TBC1D23: variants seen among roughly 807,000 people sequenced by gnomAD.
The protein encoded by TBC1D23 is TBC1 domain family member 23.
A neutral mutation model predicts 91.4 loss-of-function variants in TBC1D23; 55 were observed. The ratio of observed to expected loss-of-function variants is 0.60; its 90% CI spans 0.48 to 0.75. The LOEUF is 0.75. TBC1D23 is among the 30% of genes least tolerant of loss of function. The probability of loss-of-function intolerance (pLI) is 0.00; values close to 1 mark genes in which losing one functional copy is unlikely to be tolerated. For synonymous variants in TBC1D23, 289 were observed against 281.0 expected (o/e 1.03, Z -0.28); for missense variants, 725 against 836.1 (o/e 0.87, Z 1.64).
chr3:100,297,082 A>G (rs561843540), intron 8 of TBC1D23, among the ~76,000 whole-genome samples: 2 of 152,306 alleles, frequency 1.3e-5, no homozygotes, highest in South Asian at 4.1e-4. Context: ...CTCCTGAAAA[A>G]TGAAACTCTA....
intron 13 of TBC1D23, among the ~76,000 whole-genome samples, chr3:100,308,492 T>A (rs751471478): frequency 5.3e-5 from 8 of 151,586 alleles, no homozygotes; most frequent in South Asian, 2.1e-4. Flanking sequence ...AAAAAAAAAA[T>A]TTGAAAGTAA....
intron 12 of TBC1D23, 51 bp from the exon 13 acceptor site, chr3:100,306,386 C>A: frequency 9.3e-7 from 1 of 1,074,116 alleles, no homozygotes; most frequent in African/African-American, 1.6e-5. Context: ...TGAATTTTTC[C>A]AAAGAGTGTT....
chr3:100,301,228 GCACCAGTGCAC>G lies in TBC1D23; in HGVS notation c.1093-838_1093-828del, dbSNP rs765597109. 5.0e-3 allele frequency among the ~76,000 whole-genome samples: 697 copies of G among 139,676 alleles called. 2 individuals carry two copies. Among genetic ancestry groups the G allele is most frequent in the Non-Finnish European group, 6.4e-3 (424 of 66,728 alleles). The allele number at this position is 139,676 out of a possible 152,430, so 91.6% of individuals were successfully genotyped here. ...GCGGAGGTTGCGGTGAGCCGAGATC[GCACCAGTGCAC>G]TCCAGCCTGGGTGACAGAGGGAGAT... is the stretch of plus-strand genomic sequence containing the variant. On this transcript the variant is annotated intron_variant, in intron 10 of 18. Transcript: ENST00000394144.
chr3:100,320,693 T>C (rs947251195), intron 17 of TBC1D23, 84 bp from the exon 18 acceptor site: 1 of 780,018 alleles, frequency 1.3e-6, no homozygotes, highest in Non-Finnish European at 1.9e-6. Context: ...ACATTTCTAA[T>C]AATTGAGATG....
chr3:100,306,412 T>C (rs2148866716), intron 12 of TBC1D23, 25 bp from the exon 13 acceptor site: 2 of 1,400,984 alleles, frequency 1.4e-6, no homozygotes, highest in East Asian at 2.3e-5. Flanking sequence ...TTTAGGTTTT[T>C]CTTTTTTTTT....
intron 1 of TBC1D23, among the ~76,000 whole-genome samples, chr3:100,271,490 G>A (rs1164119778): frequency 1.3e-5 from 2 of 152,188 alleles, no homozygotes; most frequent in Non-Finnish European, 2.9e-5. Flanking sequence ...TGGGGAGTGG[G>A]TGGAGATAAG....
At chr3:100,306,412 TC>T in intron 12 of TBC1D23, 24 bp from the exon 13 acceptor site, 1 of 1,400,982 alleles carries the variant, frequency 7.1e-7, no homozygotes. Flanking sequence ...TTTAGGTTTT[TC>T]TTTTTTTTTT....
intron 1 of TBC1D23, among the ~76,000 whole-genome samples, chr3:100,272,341 T>C (rs1355625383): frequency 1.3e-5 from 2 of 152,260 alleles, no homozygotes; most frequent in African/African-American, 4.8e-5. Flanking sequence ...AGAGAAGTAA[T>C]ATGTTTGAGA....
chr3:100,308,495 G>A (rs1352209576), intron 13 of TBC1D23, among the ~76,000 whole-genome samples: 1 of 151,764 alleles, frequency 6.6e-6, no homozygotes, highest in Non-Finnish European at 1.5e-5. Context: ...AAAAAAATTT[G>A]AAAGTAACAG....
chr3:100,286,802 ATCT>A (rs1434167137), intron 4 of TBC1D23, among the ~76,000 whole-genome samples: 8 of 150,604 alleles, frequency 5.3e-5, no homozygotes, highest in South Asian at 4.2e-4. Context: ...ACCCTAACAT[ATCT>A]TCTTCTTTTT....
At chr3:100,321,085 G>A (rs1034749692) in intron 18 of TBC1D23, 114 bp downstream of exon 18, 1 of 750,230 alleles carries the variant, frequency 1.3e-6, no homozygotes, top group Non-Finnish European at 2.1e-6. Flanking sequence ...GAATAGGATA[G>A]CTGAACCACT....
At chr3:100,316,074 C>T in intron 15 of TBC1D23, 25 bp from the exon 16 acceptor site, 1 of 1,554,532 alleles carries the variant, frequency 6.4e-7, no homozygotes, top group Non-Finnish European at 8.9e-7. Context: ...GTGATTATTT[C>T]TCTCCTAAAA....
chr3:100,281,650 T>C, intron 2 of TBC1D23, 92 bp from the exon 3 acceptor site: 2 of 757,774 alleles, frequency 2.6e-6, no homozygotes, highest in Non-Finnish European at 4.5e-6. Context: ...TTTGTTATTA[T>C]TTTTAAATTC....
intron 1 of TBC1D23, among the ~76,000 whole-genome samples, chr3:100,272,009 C>T (rs1026379258): frequency 6.6e-5 from 10 of 152,182 alleles, no homozygotes; most frequent in African/African-American, 2.4e-4. Flanking sequence ...TCCATGCCAC[C>T]CTTCCATCCC....
chr3:100,300,855 T>C (rs990280192), intron 10 of TBC1D23, among the ~76,000 whole-genome samples: 1 of 152,200 alleles, frequency 6.6e-6, no homozygotes, highest in Non-Finnish European at 1.5e-5. Flanking sequence ...TTCCAGACTT[T>C]TAATATCTGT....
chr3:100,295,257 G>T (rs1293312496), intron 6 of TBC1D23, 45 bp from the exon 7 acceptor site: 1 of 1,602,620 alleles, frequency 6.2e-7, no homozygotes, highest in Non-Finnish European at 8.5e-7. Context: ...TTCTCAGGGT[G>T]CTCTGTTAAT....
intron 1 of TBC1D23, among the ~76,000 whole-genome samples, chr3:100,274,576 C>A (rs1015856370): frequency 2.0e-5 from 3 of 151,968 alleles, no homozygotes; most frequent in Admixed American, 2.0e-4. Context: ...TCATTCTCCC[C>A]TCCCTCTGCC....
intron 1 of TBC1D23, among the ~76,000 whole-genome samples, chr3:100,278,407 A>G (rs1470799519): frequency 6.7e-6 from 1 of 148,210 alleles, no homozygotes; most frequent in Non-Finnish European, 1.5e-5. Context: ...TTTTTTTGAG[A>G]CGGAGTCTTG....
intron 10 of TBC1D23, 70 bp from the exon 11 acceptor site, chr3:100,301,997 A>G (rs900560139): frequency 1.5e-6 from 2 of 1,304,698 alleles, no homozygotes; most frequent in Non-Finnish European, 2.1e-6. Flanking sequence ...TTCCTAAAAA[A>G]AATTTCAAAT....
Sources: gnomAD v4.1 joint callset for allele counts (sites outside exome capture counted in the v4.1 genomes callset) on GRCh38, gnomAD v4.1.1 for gene constraint, MANE v1.5 for transcripts, NCBI Gene and HGNC (gene_info 2026-07-23, HGNC 2026-07-21) for gene names.